The following ST14 variants were observed in gnomAD, a reference collection of about 807,000 sequenced individuals.
ST14 encodes the protein ST14 transmembrane serine protease matriptase, also known as suppressor of tumorigenicity 14 protein.
ST14 carries 40 observed loss-of-function variants against 96.5 expected under a neutral mutation model. The observed-to-expected ratio is 0.41, with a 90% confidence interval of 0.32 to 0.54. The LOEUF (loss-of-function observed/expected upper bound fraction) is 0.54, where lower values mean the gene tolerates loss of function less well. Among genes scored for constraint, ST14 ranks in the 20% least tolerant of loss-of-function variants. The probability of loss-of-function intolerance (pLI) is 0.17; values close to 1 mark genes in which losing one functional copy is unlikely to be tolerated. For missense variants in ST14, 1,066 were observed against 1,188.9 expected (o/e 0.90, Z 1.52); for synonymous variants, 506 against 492.1 (o/e 1.03, Z -0.37).
intron 16 of ST14, among the ~76,000 whole-genome samples, chr11:130,200,360 C>A (rs1005156346): frequency 2.6e-5 from 4 of 152,162 alleles, no homozygotes; most frequent in Non-Finnish European, 4.4e-5. Flanking sequence ...GTGGTGCCAG[C>A]CTCTGCTTCT....
At chr11:130,189,963 G>C in intron 5 of ST14, 67 bp downstream of exon 5, 1 of 1,612,800 alleles carries the variant, frequency 6.2e-7, no homozygotes, top group East Asian at 2.2e-5. Context: ...CTGGGCCCTG[G>C]ACCATTGCAG....
intron 1 of ST14, among the ~76,000 whole-genome samples, chr11:130,165,369 T>C (rs915587060): frequency 1.3e-5 from 2 of 152,220 alleles, no homozygotes; most frequent in African/African-American, 2.4e-5. Context: ...TTCTCAGAGT[T>C]CTTAGCCTGG....
intron 16 of ST14, 63 bp downstream of exon 16, chr11:130,200,200 C>T: frequency 6.3e-7 from 1 of 1,592,556 alleles, no homozygotes; most frequent in South Asian, 1.1e-5. Context: ...GGAGTAATGC[C>T]AGGATAGGTT....
At position 130,168,960 on chromosome 11, in the gene ST14, T is replaced by C. The variant is rs77296993; in HGVS notation, c.81+8900T>C. 2.2e-4 allele frequency among the ~76,000 whole-genome samples: 34 copies of C among 151,790 alleles called. No homozygotes were observed. In the East Asian group the frequency reaches 6.6e-3, roughly 29 times the overall value. On this transcript the variant is annotated intron_variant, in intron 1 of 18. Coordinates refer to ENST00000278742, the MANE Select transcript of ST14 (RefSeq NM_021978.4). ...ACTGTGGCACCTCCATGCCATGAAA[T>C]ATGACTCAGCACTGAAAAGGAACAA...
intron 1 of ST14, among the ~76,000 whole-genome samples, chr11:130,171,109 C>G (rs1011008913): frequency 1.3e-5 from 2 of 152,292 alleles, no homozygotes; most frequent in Non-Finnish European, 1.5e-5. Flanking sequence ...ACAGCCATTT[C>G]AAGCTACTGA....
At chr11:130,190,073 T>C (rs1953280445) in intron 5 of ST14, 40 bp from the exon 6 acceptor site, 4 of 1,613,732 alleles carry the variant, frequency 2.5e-6, no homozygotes, top group African/African-American at 1.3e-5. Flanking sequence ...AGGAAATGGA[T>C]TGTATCAGGA....
At chr11:130,202,784 A>G (rs182564645) in intron 16 of ST14, among the ~76,000 whole-genome samples, 1 of 152,320 alleles carries the variant, frequency 6.6e-6, no homozygotes, top group African/African-American at 2.4e-5. Context: ...ATCTTCGGCA[A>G]GTTGCCCTCT....
intron 6 of ST14, 29 bp downstream of exon 6, chr11:130,190,177 G>A (rs1265820547): frequency 3.7e-6 from 6 of 1,614,010 alleles, no homozygotes; most frequent in Middle Eastern, 3.3e-4. Flanking sequence ...TCCTCTTCTG[G>A]GTGGGGAAGA....
At chr11:130,196,879 A>G in intron 11 of ST14, 179 bp downstream of exon 11, 1 of 910,496 alleles carries the variant, frequency 1.1e-6, no homozygotes, top group South Asian at 1.6e-5. Context: ...TAATGAAAGC[A>G]GGCTGGCTGT....
In ST14 at chr11:130,188,599, C is replaced by T; in HGVS notation, c.311C>T (p.Ala104Val). 1 of 1,614,216 alleles carries T rather than the reference C, an allele frequency of 6.2e-7. No homozygotes were observed. Among genetic ancestry groups the T allele is most frequent in the South Asian group, 1.1e-5 (1 of 91,088 alleles). The change falls in exon 3 of 19, where the codon GCC (alanine) becomes GTC (valine). Residue 104 changes from alanine to valine, a missense_variant. By Grantham distance (64) the Ala-to-Val change is moderately conservative. Transcript: ENST00000278742. This position sits in a 1 kb window ranked among gnomAD's most constrained non-coding sequence, Gnocchi z 5.4. ...ATCACAAATGAGAATTTTGTGGATG[C>T]CTACGAGAACTCCAACTCCACTGAG... Reference protein sequence around the residue: ...MRITNENFVDAYENSNSTEFV... With the variant: ...MRITNENFVDVYENSNSTEFV...
chr11:130,198,338 A>G lies in ST14; in HGVS notation c.1490A>G (p.Lys497Arg), dbSNP rs1953390138. 1.2e-6 allele frequency: 2 copies of G among 1,614,182 alleles called. No homozygotes were observed. Among genetic ancestry groups the G allele is most frequent in the East Asian group, 4.5e-5 (2 of 44,874 alleles). ...GACGCCGGCCACCAGTTCACGTGCA[A>G]GAACAAGTTCTGCAAGCCCCTCTTC... ...SCDAGHQFTC[K>R]NKFCKPLFWV... The change falls in exon 13 of 19, where the codon AAG (lysine) becomes AGG (arginine). Residue 497 changes from lysine to arginine, a missense_variant. Coordinates refer to ENST00000278742, the MANE Select transcript of ST14 (RefSeq NM_021978.4).
chr11:130,208,766 C>G, intron 17 of ST14, 82 bp downstream of exon 17: 1 of 1,491,982 alleles, frequency 6.7e-7, no homozygotes, highest in Non-Finnish European at 9.0e-7. Context: ...TGTCCGGTCT[C>G]GGGGCGGGGG....
intron 1 of ST14, among the ~76,000 whole-genome samples, chr11:130,162,856 G>A (rs1487229141): frequency 6.6e-6 from 1 of 152,170 alleles, no homozygotes; most frequent in East Asian, 1.9e-4. Context: ...AGGGCTGCAG[G>A]CATCTGTGAT....
chr11:130,173,014 G>A (rs148390835), intron 1 of ST14, among the ~76,000 whole-genome samples: 2 of 152,322 alleles, frequency 1.3e-5, no homozygotes, highest in African/African-American at 4.8e-5. Context: ...TGGTGCAGGG[G>A]AGGGTGTGGC....
In ST14 at chr11:130,209,839, A is replaced by G. The variant is rs763783183; in HGVS notation, c.*16A>G. 1.2e-6 allele frequency: 2 copies of G among 1,612,418 alleles called. No individual in the cohort carries two copies. The highest frequency in any genetic ancestry group is 1.7e-6 in the Non-Finnish European group (2 of 1,179,976). On this transcript the variant is annotated 3_prime_UTR_variant, in exon 19 of 19. Transcript: ENST00000278742. The stretch of plus-strand genomic sequence containing the variant: ...TGGGGTATAGGGGCCGGGGCCACCC[A>G]AATGTGTACACCTGCGGGGCCACCC...
chr11:130,160,036 A>G lies in ST14; in HGVS notation c.57A>G (p.Gly19=). 1 of 1,434,630 alleles carries G rather than the reference A, an allele frequency of 7.0e-7. No individual in the cohort carries two copies. Among genetic ancestry groups the G allele is most frequent in the Non-Finnish European group, 9.2e-7 (1 of 1,086,356 alleles). 88.9% of individuals were successfully genotyped at this position (1,434,630 alleles called of 1,614,324 possible). The change falls in exon 1 of 19, where the codon GGA becomes GGG. Residue 19 remains glycine, a synonymous_variant. Transcript: ENST00000278742. ...GGGGPKDFGA[G]LKYNSRHEKV... ...GGGGCCCGAAGGACTTCGGCGCGGGACTCAAGTACAACTCCCGGCACGAGG... is the reference window on the plus strand; with the variant it reads ...GGGGCCCGAAGGACTTCGGCGCGGGGCTCAAGTACAACTCCCGGCACGAGG...
chr11:130,203,155 G>A (rs1953449236), intron 16 of ST14, among the ~76,000 whole-genome samples: 2 of 152,152 alleles, frequency 1.3e-5, no homozygotes, highest in Non-Finnish European at 1.5e-5. Context: ...GGGCTTGGAG[G>A]AGGGAGGTGG....
chr11:130,191,499 A>C (rs1953299197), intron 7 of ST14, among the ~76,000 whole-genome samples: 1 of 151,914 alleles, frequency 6.6e-6, no homozygotes, highest in Non-Finnish European at 1.5e-5. Flanking sequence ...AGACCAGTCA[A>C]GCCAACCTGG....
chr11:130,194,873 T>C (rs1405287162), intron 9 of ST14, 136 bp downstream of exon 9: 11 of 817,046 alleles, frequency 1.3e-5, no homozygotes, highest in Non-Finnish European at 2.0e-5. Context: ...TGTGTGTGTG[T>C]GTGCGTATGT....
Sources: allele counts gnomAD v4.1 joint callset (sites outside exome capture counted in the v4.1 genomes callset), GRCh38; gene constraint gnomAD v4.1.1; non-coding constraint Gnocchi (gnomAD v3.1); transcripts MANE v1.5; gene names NCBI Gene and HGNC (gene_info 2026-07-23, HGNC 2026-07-21).